MYOM3: variants seen among roughly 807,000 people sequenced by gnomAD.
The protein encoded by MYOM3 is myomesin-3.
MYOM3 carries 155 observed loss-of-function variants against 191.7 expected under a neutral mutation model. The ratio of observed to expected loss-of-function variants is 0.81; its 90% CI spans 0.71 to 0.92. The LOEUF (loss-of-function observed/expected upper bound fraction) is 0.92, where lower values mean the gene tolerates loss of function less well. Among genes scored for constraint, MYOM3 ranks in the 40% least tolerant of loss-of-function variants. The pLI, the probability that MYOM3 is intolerant of heterozygous loss-of-function variation, is 0.00. For synonymous variants in MYOM3, 757 were observed against 762.9 expected (o/e 0.99, Z 0.13); for missense variants, 1,889 against 1,890.6 (o/e 1.00, Z 0.02).
At position 24,067,986 on chromosome 1, in the gene MYOM3, G is replaced by C; in HGVS notation, c.3339C>G (p.Asp1113Glu). The change falls in exon 27 of 37, where the codon GAC becomes GAG. Residue 1113 changes from aspartate to glutamate, a missense_variant. Physicochemically the swap from Asp to Glu is conservative, Grantham distance 45 (BLOSUM62 2). Coordinates refer to ENST00000374434, the MANE Select transcript of MYOM3 (RefSeq NM_152372.4). ...AGCTCTTACCCTGTTTTCTCTTCCA[G>C]TCCCTTCTCTTAGCATCTGCCTTCC... ...LLRKADAKRR[D>E]WKRKQGPYFE... is the part of the protein sequence containing the mutation. 1 of 1,614,160 alleles carries C rather than the reference G, an allele frequency of 6.2e-7. No individual in the cohort carries two copies. The highest frequency in any genetic ancestry group is 1.1e-5 in the South Asian group (1 of 91,090).
chr1:24,067,904 G>A (rs1250808057), intron 27 of MYOM3, 66 bp downstream of exon 27: 28 of 1,509,310 alleles, frequency 1.9e-5, no homozygotes, highest in African/African-American at 9.6e-5. Flanking sequence ...CCATTAATCC[G>A]CAGTCCAGCA....
intron 28 of MYOM3, 135 bp from the exon 29 acceptor site, chr1:24,066,136 C>T (rs1643431262): frequency 1.4e-6 from 1 of 737,962 alleles, no homozygotes; most frequent in East Asian, 2.6e-5. Context: ...CCTCTGGACT[C>T]TGAATTCTTG....
At chr1:24,092,404 A>C in intron 10 of MYOM3, 89 bp from the exon 11 acceptor site, 290 of 1,189,482 alleles carry the variant, frequency 2.4e-4, no homozygotes, top group Non-Finnish European at 2.9e-4. Flanking sequence ...TCCTCTTCTC[A>C]TCCATCCTCC....
chr1:24,101,093 G>A (rs533491914), intron 5 of MYOM3, among the ~76,000 whole-genome samples: 2 of 152,068 alleles, frequency 1.3e-5, no homozygotes, highest in Admixed American at 6.5e-5. Context: ...AACAGCAAGC[G>A]GGGACAAGAG....
At chr1:24,098,078 G>T (rs1643888135) in intron 6 of MYOM3, 67 bp from the exon 7 acceptor site, 7 of 1,018,604 alleles carry the variant, frequency 6.9e-6, no homozygotes, top group Non-Finnish European at 1.1e-5. Context: ...CAAGTCCCCT[G>T]TGTGGGTGGG....
In MYOM3 at chr1:24,094,858, C is replaced by A. The variant is rs757482804; in HGVS notation, c.923G>T (p.Arg308Leu). The A allele has an allele frequency of 8.7e-6, 14 of 1,611,504 alleles. No homozygotes were observed. The East Asian group carries it at 3.1e-4, about 36-fold the overall frequency. ...VLDAESIQWF[R>L]DGSLLRSSRR... Reference sequence around the variant, plus strand: ...CCAGGACTGGGGGTCCTTACCATCTCGGAACCACTGGATGCTCTCAGCATC... The same window carrying A: ...CCAGGACTGGGGGTCCTTACCATCTAGGAACCACTGGATGCTCTCAGCATC... Residue 308 changes from arginine (R) to leucine (L), a missense_variant, in exon 9 of 37, where the codon CGA (arginine) becomes CTA (leucine). By Grantham distance (102) the Arg-to-Leu change is moderately radical. Transcript: ENST00000374434.
chr1:24,099,634 G>C lies in MYOM3; in HGVS notation c.656+46C>G, dbSNP rs530989912. ...TTGGGATCCTGCTCTGGCCTCGGCG[G>C]TGGCAGGGTCTGGGGTCATAGGTCT... On this transcript the variant is annotated intron_variant, in intron 6 of 36. Transcript: ENST00000374434. The C allele has an allele frequency of 4.5e-5, 66 of 1,475,340 alleles. No homozygotes were observed. In the South Asian group the frequency reaches 7.4e-4, roughly 16 times the overall value. The allele number at this position is 1,475,340 out of a possible 1,614,324, so 91.4% of individuals were successfully genotyped here.
At chr1:24,061,430 A>C in intron 33 of MYOM3, 121 bp from the exon 34 acceptor site, 1 of 1,011,068 alleles carries the variant, frequency 9.9e-7, no homozygotes, top group Non-Finnish European at 1.5e-6. Context: ...CCCCATGCCG[A>C]TGTTTCTTTG....
At position 24,075,296 on chromosome 1, in the gene MYOM3, G is replaced by A. The variant is rs372569207; in HGVS notation, c.2858+23C>T. On this transcript the variant is annotated intron_variant, in intron 22 of 36. Coordinates refer to ENST00000374434, the MANE Select transcript of MYOM3 (RefSeq NM_152372.4). ...AGTATTTGGGTCCCGTTGAGCAGTT[G>A]TTTCTCCTCTCGCCTCACTTACTTG... 13 of 1,610,828 alleles carry A rather than the reference G, an allele frequency of 8.1e-6. No homozygotes were observed. The African/African-American group carries it at 1.1e-4, about 13-fold the overall frequency.
rs1371388976 is a variant in MYOM3, at chr1:24,063,559, T to C, written c.3623-29A>G. The C allele has an allele frequency of 6.2e-7, 1 of 1,613,772 alleles. No homozygotes were observed. The highest frequency in any genetic ancestry group is 8.5e-7 in the Non-Finnish European group (1 of 1,179,870). ...GCGGGAAACAGAGAGAAGGGTTAGC[T>C]GGCATAGGGCTCCCCTAGGGATGTG... is the stretch of plus-strand genomic sequence containing the variant. On this transcript the variant is annotated intron_variant, in intron 30 of 36. Coordinates refer to ENST00000374434, the MANE Select transcript of MYOM3 (RefSeq NM_152372.4). The surrounding 1 kb of genome is among the most constrained non-coding windows in gnomAD (Gnocchi z 4.5).
intron 24 of MYOM3, 89 bp downstream of exon 24, chr1:24,071,880 G>A (rs1305351454): frequency 2.2e-6 from 3 of 1,393,648 alleles, no homozygotes; most frequent in Non-Finnish European, 3.1e-6. Context: ...GTTGTTTCCT[G>A]GTCCTTGGCC....
In MYOM3 at chr1:24,106,065, C is replaced by T. The variant is rs1643980560; in HGVS notation, c.415G>A (p.Val139Ile). The T allele has an allele frequency of 1.2e-6, 2 of 1,611,830 alleles. No homozygotes were observed. Among genetic ancestry groups the T allele is most frequent in the Admixed American group, 1.7e-5 (1 of 59,894 alleles). Residue 139 changes from valine to isoleucine, a missense_variant, in exon 5 of 37, where the codon GTC (valine) becomes ATC (isoleucine). Coordinates refer to ENST00000374434, the MANE Select transcript of MYOM3 (RefSeq NM_152372.4). ...KTLRRRTEEK[V>I]QEAKELRELC... is the part of the protein sequence containing the mutation. ...TCCCTCAGCTCCTTGGCCTCCTGGA[C>T]CTTCTCCTCTGTCTGGAGGCGGGAA...
intron 5 of MYOM3, among the ~76,000 whole-genome samples, 168 bp downstream of exon 5, chr1:24,105,752 T>TA (rs1455590504): frequency 6.6e-6 from 1 of 151,960 alleles, no homozygotes; most frequent in Non-Finnish European, 1.5e-5. Context: ...GCCCCGCCTC[T>TA]AAAAAAAATA....
At position 24,087,565 on chromosome 1, in the gene MYOM3, C is replaced by T. The variant is rs1643765212; in HGVS notation, c.1615-738G>A. ...CCTCTGGGCCTTTGCACTTGCTGGT[C>T]CCTCAGCCTGGAATGTTCTTCTCCG... On this transcript the variant is annotated intron_variant, in intron 14 of 36. Coordinates refer to ENST00000374434, the MANE Select transcript of MYOM3 (RefSeq NM_152372.4). The surrounding 1 kb of genome is among the most constrained non-coding windows in gnomAD (Gnocchi z 4.5). Among the ~76,000 whole-genome samples the T allele has an allele frequency of 6.6e-6, 1 of 152,272 alleles. No homozygotes were observed. Among genetic ancestry groups the T allele is most frequent in the Middle Eastern group, 3.4e-3 (1 of 294 alleles).
At chr1:24,075,265 T>G in intron 22 of MYOM3, 54 bp downstream of exon 22, 1 of 1,587,636 alleles carries the variant, frequency 6.3e-7, no homozygotes, top group Non-Finnish European at 8.6e-7. Flanking sequence ...TGCCAGCTCC[T>G]CTGACAGTAT....
At chr1:24,100,222 C>G (rs1643902032) in intron 5 of MYOM3, among the ~76,000 whole-genome samples, 1 of 152,152 alleles carries the variant, frequency 6.6e-6, no homozygotes, top group African/African-American at 2.4e-5. Context: ...GCAGCACTTA[C>G]GCCACTCTGA....
intron 14 of MYOM3, 28 bp from the exon 15 acceptor site, chr1:24,086,855 C>T (rs1424726739): frequency 1.2e-6 from 2 of 1,608,056 alleles, no homozygotes; most frequent in East Asian, 2.2e-5. Context: ...CTCACATTGG[C>T]TAACTGGTCG....
At position 24,105,997 on chromosome 1, in the gene MYOM3, G is replaced by A. The variant is rs369343235; in HGVS notation, c.483C>T (p.Arg161=). Residue 161 remains arginine, a synonymous_variant, in exon 5 of 37, where the codon CGC becomes CGT. Coordinates refer to ENST00000374434, the MANE Select transcript of MYOM3 (RefSeq NM_152372.4). ...GRGPWFWIPL[R]SHAVWEHTTV... ...TGGTGTGCTCCCAGACGGCGTGGGA[G>A]CGAAGAGGGATCCAGAACCAGGGCC... 97 of 1,614,020 alleles carry A rather than the reference G, an allele frequency of 6.0e-5. No individual in the cohort carries two copies. The African/African-American group carries it at 6.9e-4, about 12-fold the overall frequency.
At position 24,084,946 on chromosome 1, in the gene MYOM3, T is replaced by C. The variant is rs761348897; in HGVS notation, c.1799-307A>G. Among the ~76,000 whole-genome samples the C allele has an allele frequency of 3.9e-5, 6 of 152,268 alleles. No individual in the cohort carries two copies. The South Asian group carries it at 8.3e-4, about 21-fold the overall frequency. ...AAGTCACCAAATCTGATAGGTTTCCTCAGTCCTTATCTTTAATCTCAGTTT... is the reference window on the plus strand; with the variant it reads ...AAGTCACCAAATCTGATAGGTTTCCCCAGTCCTTATCTTTAATCTCAGTTT... On this transcript the variant is annotated intron_variant, in intron 15 of 36. Coordinates refer to ENST00000374434, the MANE Select transcript of MYOM3 (RefSeq NM_152372.4).
Sources: allele counts gnomAD v4.1 joint callset (sites outside exome capture counted in the v4.1 genomes callset), GRCh38; gene constraint gnomAD v4.1.1; non-coding constraint Gnocchi (gnomAD v3.1); transcripts MANE v1.5; gene names NCBI Gene and HGNC (gene_info 2026-07-23, HGNC 2026-07-21).